Variants in ADGRA3 observed in about 807,000 individuals in gnomAD.
ADGRA3 encodes adhesion G protein-coupled receptor A3.
In ADGRA3, 56 loss-of-function variants were observed where a neutral mutation model predicts 119.8. That is an observed-to-expected ratio of 0.47 (90% CI 0.38 to 0.58). The LOEUF is 0.58. ADGRA3 is among the 20% of genes least tolerant of loss of function. The pLI, the probability that ADGRA3 is intolerant of heterozygous loss-of-function variation, is 0.00. For missense variants in ADGRA3, 1,516 were observed against 1,649.0 expected, an observed-to-expected ratio of 0.92 and a Z score of 1.40; for synonymous variants, 607 against 623.8, an observed-to-expected ratio of 0.97 and a Z score of 0.40.
Position 22,445,000 on chromosome 4 carries a change from C to T in ADGRA3, c.679G>A (p.Gly227Ser), listed in dbSNP as rs762476240. ...PKSLQAQPVT[G>S]VKQELLTCDP... ...CATGTCAACAGCTCCTGCTTCACGC[C>T]TGTGACTGGTTGGGCCTGCAGTGAC... Residue 227 changes from glycine (G) to serine (S), a missense_variant, in exon 6 of 19, where the codon GGC (glycine) becomes AGC (serine). Physicochemically the swap from Gly to Ser is moderately conservative, Grantham distance 56. This residue lies in a region of ADGRA3 where 428 missense variants were observed against 541.9 expected (regional missense o/e 0.79). Coordinates refer to ENST00000334304, the MANE Select transcript of ADGRA3 (RefSeq NM_145290.4). 10 of 1,613,518 alleles carry T rather than the reference C, an allele frequency of 6.2e-6. No homozygotes were observed. The Admixed American group carries it at 1.7e-4, about 27-fold the overall frequency.
intron 1 of ADGRA3, among the ~76,000 whole-genome samples, chr4:22,506,331 T>C (rs995820238): frequency 2.6e-5 from 4 of 152,008 alleles, no homozygotes; most frequent in African/African-American, 7.2e-5. Flanking sequence ...GGTGCACCAA[T>C]CACTTGAAGT....
chr4:22,480,860 G>A (rs955646286), intron 1 of ADGRA3, among the ~76,000 whole-genome samples: 1 of 152,084 alleles, frequency 6.6e-6, no homozygotes, highest in African/African-American at 2.4e-5. Flanking sequence ...CACACAGAAA[G>A]ATCAAGGCAT....
intron 1 of ADGRA3, among the ~76,000 whole-genome samples, chr4:22,500,121 C>T (rs1718999852): frequency 6.6e-6 from 1 of 152,204 alleles, no homozygotes; most frequent in East Asian, 1.9e-4. Context: ...CTGCACTTTG[C>T]TTTTCCCGTC....
chr4:22,501,610 G>A (rs751516395), intron 1 of ADGRA3, among the ~76,000 whole-genome samples: 5 of 151,976 alleles, frequency 3.3e-5, no homozygotes, highest in African/African-American at 4.8e-5. Flanking sequence ...GACTCCCCAC[G>A]TTTCCTTTCC....
In ADGRA3 at chr4:22,435,444, G is replaced by A. The variant is rs769737129; in HGVS notation, c.1310C>T (p.Ala437Val). 7 of 1,602,952 alleles carry A rather than the reference G, an allele frequency of 4.4e-6. No individual in the cohort carries two copies. The highest frequency in any genetic ancestry group is 6.0e-6 in the Non-Finnish European group (7 of 1,171,716). The change falls in exon 10 of 19, where the codon GCC (alanine) becomes GTC (valine). Residue 437 changes from alanine (A) to valine (V), a missense_variant. Coordinates refer to ENST00000334304, the MANE Select transcript of ADGRA3 (RefSeq NM_145290.4). ...CAGTAACTGTCGAGCTGTTGCCACG[G>A]CATTGGTAAGATTGAGGGGCATCTA... ...FNQMPLNLTN[A>V]VATARQLLAY...
chr4:22,509,657 A>T (rs1007636707), intron 1 of ADGRA3, among the ~76,000 whole-genome samples: 1 of 151,972 alleles, frequency 6.6e-6, no homozygotes, highest in Non-Finnish European at 1.5e-5. Context: ...AAGGACCTTG[A>T]TCCCCCATAT....
intron 1 of ADGRA3, among the ~76,000 whole-genome samples, chr4:22,488,401 G>A (rs1718509660): frequency 6.6e-6 from 1 of 151,332 alleles, no homozygotes; most frequent in Non-Finnish European, 1.5e-5. Context: ...TGAATCAACA[G>A]ACAAAATCTT....
chr4:22,461,106 C>T, intron 3 of ADGRA3, among the ~76,000 whole-genome samples: 1 of 152,156 alleles, frequency 6.6e-6, no homozygotes, highest in Non-Finnish European at 1.5e-5. Context: ...TTAAAAGGTA[C>T]CTCTGTTTAT....
intron 1 of ADGRA3, among the ~76,000 whole-genome samples, chr4:22,500,727 A>G (rs1249432275): frequency 1.3e-5 from 2 of 152,194 alleles, no homozygotes; most frequent in Admixed American, 1.3e-4. Context: ...TAGCTGGTAA[A>G]CCATTATTTC....
chr4:22,505,772 G>A (rs78664576), intron 1 of ADGRA3, among the ~76,000 whole-genome samples: 5 of 152,144 alleles, frequency 3.3e-5, no homozygotes, highest in East Asian at 3.9e-4. Context: ...ACATCTAACC[G>A]AGGGGAGGTA....
At chr4:22,474,461 G>T (rs1353381675) in intron 1 of ADGRA3, among the ~76,000 whole-genome samples, 1 of 152,138 alleles carries the variant, frequency 6.6e-6, no homozygotes, top group African/African-American at 2.4e-5. Flanking sequence ...CTGACTCAAA[G>T]AAGTCATAGT....
intron 14 of ADGRA3, among the ~76,000 whole-genome samples, chr4:22,408,668 T>G (rs1278100217): frequency 6.6e-6 from 1 of 152,190 alleles, no homozygotes; most frequent in East Asian, 1.9e-4. Context: ...GTAGAGCACC[T>G]GGAACTCTCA....
intron 10 of ADGRA3, among the ~76,000 whole-genome samples, chr4:22,426,443 C>T (rs967520525): frequency 1.3e-5 from 2 of 152,120 alleles, no homozygotes; most frequent in Non-Finnish European, 2.9e-5. Context: ...GTCCATGTAT[C>T]CGATATGTAT....
intron 3 of ADGRA3, 47 bp from the exon 4 acceptor site, chr4:22,454,984 A>C: frequency 7.3e-7 from 1 of 1,362,428 alleles, no homozygotes; most frequent in Non-Finnish European, 1.1e-6. Context: ...CTCTTGGTTA[A>C]AGAAGGTCTC....
intron 2 of ADGRA3, among the ~76,000 whole-genome samples, chr4:22,471,145 C>T (rs993234997): frequency 2.0e-5 from 3 of 152,092 alleles, no homozygotes; most frequent in Non-Finnish European, 1.5e-5. Flanking sequence ...GAGTGTCTCC[C>T]TCCCAGGGCC....
At chr4:22,415,902 C>T (rs1459176825) in intron 12 of ADGRA3, among the ~76,000 whole-genome samples, 1 of 151,996 alleles carries the variant, frequency 6.6e-6, no homozygotes, top group Non-Finnish European at 1.5e-5. Context: ...GAGCTATATA[C>T]TCATGGCTGT....
At chr4:22,500,767 G>C (rs1171401143) in intron 1 of ADGRA3, among the ~76,000 whole-genome samples, 3 of 152,148 alleles carry the variant, frequency 2.0e-5, no homozygotes. Context: ...ATTTCCAGAA[G>C]AGATTAGCAC....
rs1716351071 is a variant in ADGRA3 at position 22,435,359 on chromosome 4, T to A, written c.1395A>T (p.Glu465Asp). 9 of 1,613,662 alleles carry A rather than the reference T, an allele frequency of 5.6e-6. No homozygotes were observed. Among genetic ancestry groups the A allele is most frequent in the Non-Finnish European group, 7.6e-6 (9 of 1,179,650 alleles). ...SDKMDVIFVA[E>D]MIEKFGRFTK... ...TAAATCTTCCAAATTTTTCAATCATTTCTGCCACAAATATAACATCCATTT... is the reference window on the plus strand; with the variant it reads ...TAAATCTTCCAAATTTTTCAATCATATCTGCCACAAATATAACATCCATTT... The change falls in exon 10 of 19, where the codon GAA becomes GAT. Residue 465 changes from glutamate to aspartate, a missense_variant. Glu to Asp is a conservative substitution (Grantham distance 45). Transcript: ENST00000334304.
At chr4:22,470,216 T>C (rs1422626296) in intron 2 of ADGRA3, among the ~76,000 whole-genome samples, 2 of 151,722 alleles carry the variant, frequency 1.3e-5, no homozygotes, top group Non-Finnish European at 2.9e-5. Flanking sequence ...AAGCAAACTA[T>C]GTTCAAAAAG....
Sources: gnomAD v4.1 joint callset for allele counts (sites outside exome capture counted in the v4.1 genomes callset) on GRCh38, gnomAD v4.1.1 for gene constraint, gnomAD v4.1.1 regional missense constraint, MANE v1.5 for transcripts, NCBI Gene and HGNC (gene_info 2026-07-23, HGNC 2026-07-21) for gene names.